The following TJP2 variants were observed in gnomAD, a reference collection of about 807,000 sequenced individuals.
The protein encoded by TJP2 is tight junction protein 2.
TJP2 carries 91 observed loss-of-function variants against 133.1 expected under a neutral mutation model. The observed-to-expected ratio is 0.68, with a 90% CI of 0.58 to 0.81. The LOEUF is 0.81. TJP2 is among the 40% of genes least tolerant of loss of function. The probability of loss-of-function intolerance (pLI) is 0.00; values close to 1 mark genes in which losing one functional copy is unlikely to be tolerated. For missense variants in TJP2, 1,541 were observed against 1,565.6 expected (o/e 0.98, Z 0.26); for synonymous variants, 592 against 583.4 (o/e 1.01, Z -0.21).
At chr9:69,250,335 C>G (rs371401633) in intron 20 of TJP2, among the ~76,000 whole-genome samples, 1 of 152,144 alleles carries the variant, frequency 6.6e-6, no homozygotes, top group East Asian at 1.9e-4. Context: ...AACTCCTGGC[C>G]TCAGGTGATC....
intron 1 of TJP2, among the ~76,000 whole-genome samples, chr9:69,129,406 G>T (rs536143369): frequency 6.6e-6 from 1 of 151,992 alleles, no homozygotes; most frequent in South Asian, 2.1e-4. Flanking sequence ...AGCTACTCAG[G>T]AGGCTGAGGT....
At chr9:69,158,844 C>T (rs888593457) in intron 2 of TJP2, among the ~76,000 whole-genome samples, 1 of 152,056 alleles carries the variant, frequency 6.6e-6, no homozygotes, top group Non-Finnish European at 1.5e-5. Flanking sequence ...GTTCTTCACT[C>T]ACATCGGTTT....
intron 16 of TJP2, 92 bp downstream of exon 16, chr9:69,238,881 C>A (rs1830387485): frequency 9.0e-7 from 1 of 1,105,208 alleles, no homozygotes; most frequent in Non-Finnish European, 1.4e-6. Context: ...TACTTTTAAT[C>A]ATTAAATGTT....
At chr9:69,233,085 T>C (rs905378283) in intron 11 of TJP2, among the ~76,000 whole-genome samples, 2 of 152,204 alleles carry the variant, frequency 1.3e-5, no homozygotes, top group African/African-American at 4.8e-5. Context: ...CAAGAAAGGA[T>C]ACCAAAATGG....
intron 5 of TJP2, among the ~76,000 whole-genome samples, chr9:69,223,658 G>T (rs1829097054): frequency 1.4e-5 from 2 of 146,388 alleles, no homozygotes; most frequent in Non-Finnish European, 3.0e-5. Context: ...ATGCCAGAGA[G>T]ATGTTATCAC....
chr9:69,221,589 T>C (rs1828866286), intron 5 of TJP2, 93 bp downstream of exon 5: 1 of 1,498,608 alleles, frequency 6.7e-7, no homozygotes, highest in African/African-American at 1.4e-5. Context: ...AGTGTTGCTC[T>C]GTCATCCAGG....
At chr9:69,209,584 T>C (rs2133187830) in intron 1 of TJP2, among the ~76,000 whole-genome samples, 1 of 151,780 alleles carries the variant, frequency 6.6e-6, no homozygotes, top group East Asian at 2.0e-4. Flanking sequence ...TGAAACCCTG[T>C]CTCTACTAAA....
At chr9:69,219,734 C>G (rs545788335) in intron 4 of TJP2, among the ~76,000 whole-genome samples, 2 of 152,128 alleles carry the variant, frequency 1.3e-5, no homozygotes, top group African/African-American at 4.8e-5. Context: ...CTCAAAATGT[C>G]TTTGATATAT....
intron 21 of TJP2, 64 bp downstream of exon 21, chr9:69,251,428 A>G: frequency 6.6e-7 from 1 of 1,523,242 alleles, no homozygotes. Flanking sequence ...TCAACATAAC[A>G]GCGAACAGCC....
chr9:69,174,870 C>G (rs1824952516), intron 1 of TJP2, among the ~76,000 whole-genome samples: 1 of 151,214 alleles, frequency 6.6e-6, no homozygotes, highest in South Asian at 2.1e-4. Flanking sequence ...AATCCCTTTT[C>G]CCTTTCAATC....
chr9:69,244,184 GAAAAAAAAAAAA>G (rs35047206), intron 17 of TJP2, among the ~76,000 whole-genome samples: 2 of 58,342 alleles, frequency 3.4e-5, no homozygotes, highest in Admixed American at 2.0e-4. Flanking sequence ...CCTGTCTCAG[GAAAAAAAAAAAA>G]AAAAAAAAAA....
intron 1 of TJP2, among the ~76,000 whole-genome samples, chr9:69,179,668 T>C (rs1385253175): frequency 6.6e-6 from 1 of 151,572 alleles, no homozygotes; most frequent in Non-Finnish European, 1.5e-5. Context: ...CCCGGCTAAT[T>C]TTTTGTATTT....
At chr9:69,155,687 G>A (rs554558415) in intron 2 of TJP2, among the ~76,000 whole-genome samples, 5 of 152,308 alleles carry the variant, frequency 3.3e-5, no homozygotes, top group South Asian at 4.1e-4. Context: ...TGAGCATCTC[G>A]CACTGTGCTG....
chr9:69,188,430 T>C (rs10735655), intron 1 of TJP2, among the ~76,000 whole-genome samples: 70,558 of 151,986 alleles, frequency 0.46, 16,640 homozygotes, highest in South Asian at 0.53. Flanking sequence ...GTCCATTTGA[T>C]GAATTTGAAA....
chr9:69,181,678 G>A (rs1208180634), intron 1 of TJP2, among the ~76,000 whole-genome samples: 1 of 151,894 alleles, frequency 6.6e-6, no homozygotes, highest in East Asian at 1.9e-4. Context: ...ATTTCCATTG[G>A]TTCTTCTCAT....
chr9:69,223,069 G>GCAAAA (rs1405334479), intron 5 of TJP2, among the ~76,000 whole-genome samples: 1 of 114,084 alleles, frequency 8.8e-6, no homozygotes, highest in African/African-American at 3.1e-5. Context: ...ACTCTGTCTT[G>GCAAAA]AAAAAAAAAA....
intron 17 of TJP2, among the ~76,000 whole-genome samples, chr9:69,242,158 T>C (rs1830622099): frequency 6.6e-6 from 1 of 152,172 alleles, no homozygotes; most frequent in Non-Finnish European, 1.5e-5. Context: ...CCAGTGACTG[T>C]GGGGCTCTCC....
chr9:69,129,544 C>T (rs1817817352), intron 1 of TJP2, among the ~76,000 whole-genome samples: 1 of 152,062 alleles, frequency 6.6e-6, no homozygotes, highest in Admixed American at 6.6e-5. Context: ...ATTCTACTTA[C>T]TAAAATATAC....
Position 69,237,973 on chromosome 9 carries a change from A to G in TJP2, c.2275A>G (p.Lys759Glu), listed in dbSNP as rs929636623. ...GTTACCTGACTGGTTTCAAACTGCT[A>G]GTAAGTCTGTCAGTGTTTTTTTTTC... Reference protein sequence around the residue: ...NELPDWFQTAKTEPKDAGSEK... With the variant: ...NELPDWFQTAETEPKDAGSEK... The change falls in exon 15 of 23, where the codon AAA becomes GAA. Residue 759 changes from lysine (K) to glutamate (E), a missense_variant and splice_region_variant. By Grantham distance (56) the Lys-to-Glu change is moderately conservative. Transcript: ENST00000377245. 9 of 1,608,950 alleles carry G rather than the reference A, an allele frequency of 5.6e-6. No homozygotes were observed. The highest frequency in any genetic ancestry group is 1.3e-5 in the African/African-American group (1 of 74,820).
Sources: gnomAD v4.1 joint callset for allele counts (sites outside exome capture counted in the v4.1 genomes callset) on GRCh38, gnomAD v4.1.1 for gene constraint, MANE v1.5 for transcripts, NCBI Gene and HGNC (gene_info 2026-07-23, HGNC 2026-07-21) for gene names.